The following RTTN variants were observed in gnomAD, a reference collection of about 807,000 sequenced individuals.
The protein encoded by RTTN is rotatin.
In RTTN, 182 loss-of-function variants were observed where a neutral mutation model predicts 269.2. That is an observed-to-expected ratio of 0.68 (90% CI 0.60 to 0.76). The LOEUF (loss-of-function observed/expected upper bound fraction) is 0.76. Among genes scored for constraint, RTTN ranks in the 30% least tolerant of loss-of-function variants. The probability of loss-of-function intolerance (pLI) is 0.00; values close to 1 mark genes in which losing one functional copy is unlikely to be tolerated. For synonymous variants in RTTN, 1,006 were observed against 963.5 expected, an observed-to-expected ratio of 1.04 and a Z score of -0.82; for missense variants, 2,545 against 2,608.6, an observed-to-expected ratio of 0.98 and a Z score of 0.53.
intron 14 of RTTN, among the ~76,000 whole-genome samples, chr18:70,164,209 CCTT>C (rs1436301756): frequency 6.8e-5 from 2 of 29,272 alleles, no homozygotes; most frequent in Non-Finnish European, 1.4e-4. Flanking sequence ...AAAATTTTTT[CCTT>C]TTTTTTTTTT....
rs566870669 is a variant in RTTN, at chr18:70,135,955, A to G, written c.2789-675T>C. 9.9e-5 allele frequency among the ~76,000 whole-genome samples: 15 copies of G among 152,276 alleles called. No homozygotes were observed. In the South Asian group the frequency reaches 1.7e-3, roughly 17 times the overall value. Reference sequence around the variant, plus strand: ...CTACAATCTCCTTGAAACCTATGAAATTCTAAACAAAGAAGTACGATGTTA... The same window carrying G: ...CTACAATCTCCTTGAAACCTATGAAGTTCTAAACAAAGAAGTACGATGTTA... On this transcript the variant is annotated intron_variant, in intron 21 of 48. Coordinates refer to ENST00000640769, the MANE Select transcript of RTTN (RefSeq NM_173630.4).
Position 70,048,188 on chromosome 18 carries a change from T to G in RTTN, c.5324A>C (p.Asp1775Ala), listed in dbSNP as rs1026187508. 2.5e-6 allele frequency: 4 copies of G among 1,603,812 alleles called. No homozygotes were observed. The African/African-American group carries it at 5.4e-5, about 21-fold the overall frequency. ...ALAKHWTAAI[D>A]MFCTCAGLSA... ...CAAGCCTGCACATGTGCAGAACATA[T>G]CTAAAGGAATAATTTCAGATGTGAA... is the stretch of plus-strand genomic sequence containing the variant. Residue 1775 changes from aspartate to alanine, a missense_variant and splice_region_variant, in exon 40 of 49, where the codon GAT becomes GCT. Physicochemically the swap from Asp to Ala is moderately radical, Grantham distance 126. Coordinates refer to ENST00000640769, the MANE Select transcript of RTTN (RefSeq NM_173630.4).
At chr18:70,090,788 G>A (rs2145224079) in intron 30 of RTTN, among the ~76,000 whole-genome samples, 1 of 152,252 alleles carries the variant, frequency 6.6e-6, no homozygotes, top group Middle Eastern at 3.4e-3. Context: ...CAGCTTTATG[G>A]GCGGGGCTCT....
At position 70,145,779 on chromosome 18, in the gene RTTN, G is replaced by A. The variant is rs752572966; in HGVS notation, c.2314C>T (p.Arg772Cys). The change falls in exon 18 of 49, where the codon CGT becomes TGT. Residue 772 changes from arginine (R) to cysteine (C), a missense_variant. By Grantham distance (180) the Arg-to-Cys change is radical (BLOSUM62 -3). Coordinates refer to ENST00000640769, the MANE Select transcript of RTTN (RefSeq NM_173630.4). Reference sequence around the variant, plus strand: ...GCTAAAAGCTTTAATGCTAGCGAACGGACCCTGAGAACACAAAGTACTTAA... The same window carrying A: ...GCTAAAAGCTTTAATGCTAGCGAACAGACCCTGAGAACACAAAGTACTTAA... ...RLLLVKKPSV[R>C]SLALKLLAFH... is the part of the protein sequence containing the mutation. The A allele has an allele frequency of 6.9e-6, 11 of 1,602,638 alleles. No individual in the cohort carries two copies. Among genetic ancestry groups the A allele is most frequent in the Non-Finnish European group, 8.5e-6 (10 of 1,176,222 alleles).
intron 35 of RTTN, among the ~76,000 whole-genome samples, chr18:70,065,258 C>G (rs2058099648): frequency 8.0e-6 from 1 of 124,826 alleles, no homozygotes; most frequent in Admixed American, 1.0e-4. Flanking sequence ...GGCTTATATA[C>G]TCTCTAGAAT....
chr18:70,156,305 A>G (rs1201695711), intron 14 of RTTN, among the ~76,000 whole-genome samples: 1 of 152,014 alleles, frequency 6.6e-6, no homozygotes, highest in Admixed American at 6.6e-5. Flanking sequence ...TATGGTCGAG[A>G]CTGTAGGGGT....
chr18:70,035,340 T>C (rs934028553), intron 40 of RTTN, among the ~76,000 whole-genome samples: 5 of 152,138 alleles, frequency 3.3e-5, no homozygotes, highest in Admixed American at 6.5e-5. Context: ...AACCAAAGCA[T>C]GGTAATGGTA....
intron 44 of RTTN, among the ~76,000 whole-genome samples, chr18:70,022,249 C>T (rs946866901): frequency 1.2e-4 from 19 of 152,018 alleles, no homozygotes; most frequent in African/African-American, 4.3e-4. Context: ...GTGTTCTCTC[C>T]TAAATGAAGA....
At chr18:70,088,216 C>G in intron 30 of RTTN, 69 bp from the exon 31 acceptor site, 1 of 1,410,588 alleles carries the variant, frequency 7.1e-7, no homozygotes, top group South Asian at 1.4e-5. Flanking sequence ...CTTAGTTTTT[C>G]TGGTACATAA....
chr18:70,083,008 A>G (rs750873324), intron 32 of RTTN, among the ~76,000 whole-genome samples: 4 of 152,152 alleles, frequency 2.6e-5, no homozygotes, highest in African/African-American at 4.8e-5. Flanking sequence ...GTAGCTTTGA[A>G]TGAGGCTGAG....
At chr18:70,005,756 A>G (rs1275918257) in intron 47 of RTTN, 1 of 153,930 alleles carries the variant, frequency 6.5e-6, no homozygotes, top group Non-Finnish European at 1.4e-5. Context: ...GCCAGCAGGG[A>G]GAAAACTAGC....
At chr18:70,146,847 G>A (rs1296671037) in intron 17 of RTTN, among the ~76,000 whole-genome samples, 3 of 152,134 alleles carry the variant, frequency 2.0e-5, no homozygotes, top group Admixed American at 2.0e-4. Flanking sequence ...GATATTTACT[G>A]CAATATTGTT....
chr18:70,114,600 C>G lies in RTTN; in HGVS notation c.3529-1G>C. 6.2e-7 allele frequency: 1 copy of G among 1,602,848 alleles called. No homozygotes were observed. Among genetic ancestry groups the G allele is most frequent in the Non-Finnish European group, 8.5e-7 (1 of 1,176,510 alleles). ...AGAGGTCTAACAGTGGGTTTGCACT[C>G]TAAAAAATGAAATTTGTAAAAAATG... On this transcript the variant is annotated splice_acceptor_variant, in intron 26 of 48. Transcript: ENST00000640769. LOFTEE classifies it high-confidence loss of function.
At chr18:70,204,312 A>G (rs377675132) in intron 2 of RTTN, 49 bp from the exon 3 acceptor site, 87 of 1,496,304 alleles carry the variant, frequency 5.8e-5, no homozygotes, top group East Asian at 6.8e-5. Context: ...CAAAATCTCT[A>G]TAACTTACAG....
chr18:70,030,730 T>C (rs2056987719), intron 41 of RTTN, 146 bp downstream of exon 41: 1 of 539,618 alleles, frequency 1.9e-6, no homozygotes, highest in Non-Finnish European at 3.2e-6. Flanking sequence ...ACTGCTTCTG[T>C]ATGGGAAAAA....
chr18:70,099,077 A>G (rs1040338509), intron 28 of RTTN, among the ~76,000 whole-genome samples: 50 of 152,326 alleles, frequency 3.3e-4, no homozygotes, highest in African/African-American at 1.2e-3. Context: ...TGAATATAGC[A>G]GCATGATTTA....
intron 9 of RTTN, among the ~76,000 whole-genome samples, chr18:70,189,207 T>A (rs574875362): frequency 5.3e-5 from 8 of 152,354 alleles, no homozygotes; most frequent in African/African-American, 1.9e-4. Flanking sequence ...AGATCTTTCT[T>A]CATTTCACAT....
At chr18:70,081,051 T>C (rs1191987002) in intron 32 of RTTN, among the ~76,000 whole-genome samples, 2 of 152,116 alleles carry the variant, frequency 1.3e-5, no homozygotes, top group African/African-American at 2.4e-5. Flanking sequence ...GAGACTATTA[T>C]TCTAAGTGAA....
intron 10 of RTTN, among the ~76,000 whole-genome samples, chr18:70,179,777 G>T (rs1711597250): frequency 6.6e-6 from 1 of 152,126 alleles, no homozygotes; most frequent in African/African-American, 2.4e-5. Flanking sequence ...AAGGCACCTG[G>T]AGTAAGAAAC....
Sources: allele counts gnomAD v4.1 joint callset (sites outside exome capture counted in the v4.1 genomes callset), GRCh38; gene constraint gnomAD v4.1.1; transcripts MANE v1.5; gene names NCBI Gene and HGNC (gene_info 2026-07-23, HGNC 2026-07-21).